Variants in CHD2 observed in about 807,000 individuals in gnomAD.
The protein encoded by CHD2 is ATP-dependent chromatin remodeler CHD2.
Under a neutral mutation model 243.9 loss-of-function variants are expected in CHD2, and 28 were observed. The ratio of observed to expected loss-of-function variants is 0.11; its 90% CI spans 0.09 to 0.16. The LOEUF (loss-of-function observed/expected upper bound fraction) is 0.16. CHD2 is among the 10% of genes least tolerant of loss of function. CHD2 has a pLI of 1.00. For synonymous variants in CHD2, 775 were observed against 779.0 expected (o/e 0.99, Z 0.09); for missense variants, 1,386 against 2,209.8 (o/e 0.63, Z 7.47).
At chr15:92,999,698 A>G (rs78368152) in intron 31 of CHD2, among the ~76,000 whole-genome samples, 1 of 152,044 alleles carries the variant, frequency 6.6e-6, no homozygotes, top group Non-Finnish European at 1.5e-5. Context: ...TTCATATAAT[A>G]TGTTGAGTAT....
Position 92,939,565 on chromosome 15 carries a change from C to G in CHD2, c.552-13C>G. ...AGTGAAGACTTAGCCTTTTGTTTCT[C>G]TTCTCATTTTAGAACAGTGCCCAAA... On this transcript the variant is annotated splice_polypyrimidine_tract_variant and intron_variant, in intron 6 of 38. Transcript: ENST00000394196. 1 of 1,607,138 alleles carries G rather than the reference C, an allele frequency of 6.2e-7. No homozygotes were observed. The highest frequency in any genetic ancestry group is 8.5e-7 in the Non-Finnish European group (1 of 1,178,086).
intron 24 of CHD2, among the ~76,000 whole-genome samples, chr15:92,982,420 G>A (rs75665786): frequency 0.014 from 2,136 of 152,300 alleles, 45 homozygotes; most frequent in African/African-American, 0.049. Context: ...CAGCTTTGCC[G>A]TGGAGCCAGT....
chr15:93,022,837 A>G (rs1018109410), intron 38 of CHD2, among the ~76,000 whole-genome samples: 1 of 152,182 alleles, frequency 6.6e-6, no homozygotes, highest in East Asian at 1.9e-4. Flanking sequence ...TAAAAGGCTC[A>G]TTTCATTAGT....
intron 6 of CHD2, among the ~76,000 whole-genome samples, chr15:92,938,376 A>T (rs997060025): frequency 6.6e-6 from 1 of 152,180 alleles, no homozygotes; most frequent in Non-Finnish European, 1.5e-5. Flanking sequence ...TGAATTATTT[A>T]AAAAAATTTG....
chr15:93,027,573 C>A lies in CHD2; in HGVS notation c.*2868C>A, dbSNP rs937499190. 2.0e-5 allele frequency: 3 copies of A among 152,676 alleles called. No individual in the cohort carries two copies. Among genetic ancestry groups the A allele is most frequent in the African/African-American group, 7.2e-5 (3 of 41,462 alleles). The allele number at this position is 152,676 out of a possible 1,614,324, so 9.5% of individuals were successfully genotyped here. Reference sequence around the variant, plus strand: ...TCTGGCCTGGTGTGTCTGAAAGTTGCATCAGTCCTCACGGTGCAAACACAG... The same window carrying A: ...TCTGGCCTGGTGTGTCTGAAAGTTGAATCAGTCCTCACGGTGCAAACACAG... On this transcript the variant is annotated 3_prime_UTR_variant, in exon 39 of 39. Transcript: ENST00000394196.
chr15:92,981,957 A>G (rs2053985861), intron 24 of CHD2, among the ~76,000 whole-genome samples: 2 of 152,232 alleles, frequency 1.3e-5, no homozygotes, highest in Admixed American at 1.3e-4. Context: ...TGGGCACCAG[A>G]CGAATAGGAG....
chr15:92,953,626 A>C, intron 14 of CHD2, 53 bp downstream of exon 14: 1 of 1,531,516 alleles, frequency 6.5e-7, no homozygotes, highest in South Asian at 1.1e-5. Context: ...TGTAATTTAG[A>C]AATTCACTTA....
chr15:93,007,172 C>T (rs1265496535), intron 34 of CHD2, among the ~76,000 whole-genome samples: 1 of 152,216 alleles, frequency 6.6e-6, no homozygotes, highest in Non-Finnish European at 1.5e-5. Context: ...GCAATGAATT[C>T]AAGTTCTGAT....
At chr15:92,922,495 TTGTAA>T (rs1473336025) in intron 2 of CHD2, among the ~76,000 whole-genome samples, 6 of 152,168 alleles carry the variant, frequency 3.9e-5, no homozygotes, top group Admixed American at 3.9e-4. Context: ...GGCCTCCGTA[TTGTAA>T]TGTGCTGTGG....
intron 38 of CHD2, chr15:93,021,972 T>G (rs915016180): frequency 8.5e-5 from 13 of 152,236 alleles, no homozygotes; most frequent in African/African-American, 2.9e-4. Flanking sequence ...GCAGGTTATT[T>G]GGAAGCAGTT....
At chr15:92,916,965 GT>G (rs1367755979) in intron 2 of CHD2, among the ~76,000 whole-genome samples, 1 of 152,178 alleles carries the variant, frequency 6.6e-6, no homozygotes, top group Non-Finnish European at 1.5e-5. Flanking sequence ...TGTTTCCCAA[GT>G]TAACAGAGGT....
intron 2 of CHD2, among the ~76,000 whole-genome samples, chr15:92,921,909 C>T (rs931960677): frequency 6.6e-6 from 1 of 152,210 alleles, no homozygotes; most frequent in Admixed American, 6.5e-5. Context: ...CAGCTCTCCT[C>T]TTCCTTTTTT....
intron 16 of CHD2, among the ~76,000 whole-genome samples, chr15:92,962,239 T>G (rs1385024899): frequency 6.6e-6 from 1 of 151,952 alleles, no homozygotes; most frequent in Non-Finnish European, 1.5e-5. Context: ...TGCTTTTCAT[T>G]TAATTTTCTC....
intron 32 of CHD2, 60 bp from the exon 33 acceptor site, chr15:93,002,117 A>G (rs2054264457): frequency 6.5e-7 from 1 of 1,542,422 alleles, no homozygotes; most frequent in Non-Finnish European, 8.7e-7. Context: ...TTTTTCCAGA[A>G]AGTACATAAG....
At chr15:92,969,674 G>A (rs1449105530) in intron 17 of CHD2, among the ~76,000 whole-genome samples, 1 of 152,146 alleles carries the variant, frequency 6.6e-6, no homozygotes, top group East Asian at 1.9e-4. Context: ...GTACCACAGA[G>A]ATTTTATTTG....
Position 92,998,714 on chromosome 15 carries a change from C to A in CHD2, c.4008+93C>A. The A allele has an allele frequency of 1.4e-6, 2 of 1,416,356 alleles. No homozygotes were observed. Among genetic ancestry groups the A allele is most frequent in the South Asian group, 1.4e-5 (1 of 73,306 alleles). The allele number at this position is 1,416,356 out of a possible 1,614,324, so 87.7% of individuals were successfully genotyped here. On this transcript the variant is annotated intron_variant, in intron 31 of 38. Transcript: ENST00000394196. This position sits in a 1 kb window ranked among gnomAD's most constrained non-coding sequence, Gnocchi z 5.1. Reference sequence around the variant, plus strand: ...AGAGAGAGGCCCTCTCTGAGCACTGCACAGAATGTCACCTTCTCATGGGCA... The same window carrying A: ...AGAGAGAGGCCCTCTCTGAGCACTGAACAGAATGTCACCTTCTCATGGGCA...
chr15:92,906,269 G>C (rs1388232094), intron 2 of CHD2, among the ~76,000 whole-genome samples: 1 of 151,950 alleles, frequency 6.6e-6, no homozygotes, highest in Non-Finnish European at 1.5e-5. Context: ...CTCTCTCTCT[G>C]TATCCTTGCC....
At chr15:93,020,374 G>T (rs750153811) in intron 38 of CHD2, 116 bp downstream of exon 38, 19 of 1,291,060 alleles carry the variant, frequency 1.5e-5, no homozygotes, top group Non-Finnish European at 2.1e-5. Context: ...ATCTCATCAT[G>T]CATGTGTCAG....
At chr15:92,973,703 T>C (rs1264225943) in intron 19 of CHD2, among the ~76,000 whole-genome samples, 1 of 152,232 alleles carries the variant, frequency 6.6e-6, no homozygotes, top group Non-Finnish European at 1.5e-5. Flanking sequence ...CGAATCCCTA[T>C]GAGCTTTCAT....
Sources: gnomAD v4.1 joint callset for allele counts (sites outside exome capture counted in the v4.1 genomes callset) on GRCh38, gnomAD v4.1.1 for gene constraint, Gnocchi (gnomAD v3.1) non-coding constraint, MANE v1.5 for transcripts, NCBI Gene and HGNC (gene_info 2026-07-23, HGNC 2026-07-21) for gene names.